The following ZNF529 variants were observed in gnomAD, a reference collection of about 807,000 sequenced individuals.
ZNF529 encodes the protein zinc finger protein 529.
Under a neutral mutation model 10.1 loss-of-function variants are expected in ZNF529, and 11 were observed. The ratio of observed to expected loss-of-function variants is 1.09; its 90% confidence interval spans 0.69 to 1.81. The LOEUF is 1.81. Ranked by LOEUF, ZNF529 falls within the 40% of genes most tolerant of loss-of-function variation. ZNF529 has a pLI of 0.00. For synonymous variants in ZNF529, 204 were observed against 215.7 expected (o/e 0.95, Z 0.47); for missense variants, 624 against 666.8 (o/e 0.94, Z 0.71).
chr19:36,595,214 C>G (rs905330226), intron 1 of ZNF529, among the ~76,000 whole-genome samples: 32 of 152,146 alleles, frequency 2.1e-4, no homozygotes, highest in Admixed American at 1.7e-3. Context: ...CAACTTCCTT[C>G]AGTAGCATTG....
At position 36,547,980 on chromosome 19, in the gene ZNF529, T is replaced by A; in HGVS notation, c.578A>T (p.His193Leu). 6.2e-7 allele frequency: 1 copy of A among 1,613,252 alleles called. No individual in the cohort carries two copies. Among genetic ancestry groups the A allele is most frequent in the East Asian group, 2.2e-5 (1 of 44,874 alleles). The change falls in exon 5 of 5, where the codon CAT becomes CTT. Residue 193 changes from histidine (H) to leucine (L), a missense_variant. His to Leu is a moderately conservative substitution (Grantham distance 99). Coordinates refer to ENST00000591340, the MANE Select transcript of ZNF529 (RefSeq NM_020951.5). ...ACATTCATAGTTTTTTCCACCAGTA[T>A]GTATTTTCTGATATTCATCAAACTC... ...DLEFDEYQKI[H>L]TGGKNYECNQ...
At chr19:36,600,384 C>T (rs1242988880) in intron 1 of ZNF529, among the ~76,000 whole-genome samples, 4 of 152,152 alleles carry the variant, frequency 2.6e-5, no homozygotes, top group African/African-American at 7.2e-5. Context: ...TGCTAATAAA[C>T]GCCTATCATA....
chr19:36,577,378 G>A, upstream of ZNF529: 1 of 300,348 alleles, frequency 3.3e-6, no homozygotes, highest in Non-Finnish European at 6.6e-6. Flanking sequence ...TTGCACCACT[G>A]TTTCCCTTCT....
upstream of ZNF529, among the ~76,000 whole-genome samples, chr19:36,575,747 T>G (rs1178251700): frequency 6.6e-6 from 1 of 152,142 alleles, no homozygotes; most frequent in East Asian, 1.9e-4. Flanking sequence ...TCTCGCATAA[T>G]GATTAGGATT....
chr19:36,592,518 T>C (rs1157161326), intron 1 of ZNF529, among the ~76,000 whole-genome samples: 5 of 146,188 alleles, frequency 3.4e-5, no homozygotes, highest in African/African-American at 7.6e-5. Flanking sequence ...CGCTTGAACC[T>C]GGGAGATGGA....
upstream of ZNF529, chr19:36,577,015 C>A: frequency 4.0e-6 from 1 of 253,072 alleles, no homozygotes; most frequent in South Asian, 3.3e-5. Flanking sequence ...GGCAGTGGCA[C>A]AATCTTGGCT....
At chr19:36,575,215 ACT>A (rs1162285500), upstream of ZNF529, among the ~76,000 whole-genome samples, 2 of 152,084 alleles carry the variant, frequency 1.3e-5, no homozygotes, top group African/African-American at 2.4e-5. Flanking sequence ...TGACTGAAGA[ACT>A]CTGTGTGTCT....
intron 4 of ZNF529, among the ~76,000 whole-genome samples, chr19:36,553,333 C>T (rs1019392233): frequency 1.3e-5 from 2 of 151,974 alleles, no homozygotes; most frequent in Admixed American, 1.3e-4. Context: ...GATGGGGTTT[C>T]ACCGTGTTGC....
At chr19:36,602,726 T>C (rs1600379717) in intron 1 of ZNF529, among the ~76,000 whole-genome samples, 1 of 151,264 alleles carries the variant, frequency 6.6e-6, no homozygotes, top group African/African-American at 2.4e-5. Flanking sequence ...GTGGGGGGAG[T>C]TCAGGACCAG....
chr19:36,572,376 G>C lies in ZNF529; in HGVS notation c.-30C>G, dbSNP rs138324175. 2 of 1,550,784 alleles carry C rather than the reference G, an allele frequency of 1.3e-6. No homozygotes were observed. Among genetic ancestry groups the C allele is most frequent in the Non-Finnish European group, 1.7e-6 (2 of 1,146,814 alleles). ...ACCAATGCTGTCTTCCACTTCAGGG[G>C]GCCTTCACTTGCAGAACTACATAAC... is the stretch of plus-strand genomic sequence containing the variant. On this transcript the variant is annotated 5_prime_UTR_variant, in exon 2 of 5. Coordinates refer to ENST00000591340, the MANE Select transcript of ZNF529 (RefSeq NM_020951.5).
intron 2 of ZNF529, among the ~76,000 whole-genome samples, chr19:36,567,252 A>G (rs2035934674): frequency 6.6e-6 from 1 of 152,216 alleles, no homozygotes; most frequent in African/African-American, 2.4e-5. Context: ...AGGAAAGAAC[A>G]GTCTTTTCAA....
chr19:36,584,362 T>G (rs2036533340), intron 2 of ZNF529, among the ~76,000 whole-genome samples: 1 of 152,134 alleles, frequency 6.6e-6, no homozygotes, highest in Non-Finnish European at 1.5e-5. Context: ...GAGATAAAAT[T>G]TTAAATGATG....
intron 3 of ZNF529, 106 bp downstream of exon 3, chr19:36,555,998 A>G (rs746657704): frequency 6.3e-5 from 73 of 1,163,982 alleles, no homozygotes; most frequent in Non-Finnish European, 8.4e-5. Flanking sequence ...CCTTACTAGA[A>G]AGCGAAGAAG....
chr19:36,584,138 G>C (rs893919934), intron 2 of ZNF529, among the ~76,000 whole-genome samples: 3 of 151,962 alleles, frequency 2.0e-5, no homozygotes, highest in African/African-American at 7.2e-5. Flanking sequence ...AAGAAAAACA[G>C]AAAAGACATG....
At chr19:36,586,498 G>A (rs757736526) in intron 2 of ZNF529, among the ~76,000 whole-genome samples, 5 of 151,984 alleles carry the variant, frequency 3.3e-5, no homozygotes, top group Admixed American at 2.6e-4. Context: ...CCAGCTACTC[G>A]GGAGGCTGAG....
At position 36,578,769 on chromosome 19, in the gene ZNF529, T is replaced by C. The variant is rs1054135945; in HGVS notation, c.-41+10846A>G. 2.0e-5 allele frequency among the ~76,000 whole-genome samples: 3 copies of C among 151,988 alleles called. No homozygotes were observed. In the South Asian group the frequency reaches 6.2e-4, roughly 32 times the overall value. On this transcript the variant is annotated intron_variant, in intron 2 of 4. Coordinates refer to the ZNF529 transcript ENST00000585960. ...GATTATGCCACCACACTTGGCTGAT[T>C]TTTGTGTTTTTAGTACAGATGGTTT...
chr19:36,552,907 T>C (rs1006512769), intron 4 of ZNF529, among the ~76,000 whole-genome samples: 5 of 152,210 alleles, frequency 3.3e-5, no homozygotes, highest in Non-Finnish European at 5.9e-5. Flanking sequence ...AAAGCTCTTA[T>C]GTTATTTAAA....
rs1257240028 is a variant in ZNF529, at chr19:36,546,300, G to T, written c.*566C>A. ...CCAGTTCCTATGTATGTGTTTTTTTGGGGGGAATATGTTGTATCAAAATAA... is the reference window on the plus strand; with the variant it reads ...CCAGTTCCTATGTATGTGTTTTTTTTGGGGGAATATGTTGTATCAAAATAA... On this transcript the variant is annotated 3_prime_UTR_variant, in exon 5 of 5. Coordinates refer to ENST00000591340, the MANE Select transcript of ZNF529 (RefSeq NM_020951.5). 4 of 151,658 alleles carry T rather than the reference G, an allele frequency of 2.6e-5. No homozygotes were observed. Among genetic ancestry groups the T allele is most frequent in the African/African-American group, 9.7e-5 (4 of 41,122 alleles). 9.4% of individuals were successfully genotyped at this position (151,658 alleles called of 1,614,324 possible). A position where few individuals can be genotyped will look rare whatever the true frequency, so the allele number is the denominator to read the frequency against.
At chr19:36,596,073 TTTTTTTTTTTG>T in intron 1 of ZNF529, among the ~76,000 whole-genome samples, 1 of 137,424 alleles carries the variant, frequency 7.3e-6, no homozygotes, top group African/African-American at 2.7e-5. Flanking sequence ...TTTTTTTTTT[TTTTTTTTTTTG>T]AGACAGAGTC....
Sources: allele counts gnomAD v4.1 joint callset (sites outside exome capture counted in the v4.1 genomes callset), GRCh38; gene constraint gnomAD v4.1.1; transcripts MANE v1.5; gene names NCBI Gene and HGNC (gene_info 2026-07-23, HGNC 2026-07-21).